The following NEDD9 variants were observed in gnomAD, a reference collection of about 807,000 sequenced individuals.
The protein encoded by NEDD9 is neural precursor cell expressed, developmentally down-regulated 9, also known as enhancer of filamentation 1.
NEDD9 carries 26 observed loss-of-function variants against 76.6 expected under a neutral mutation model. That is an observed-to-expected ratio of 0.34 (90% CI 0.25 to 0.47). The LOEUF is 0.47. NEDD9 is among the 20% of genes least tolerant of loss of function. The pLI is 1.00. For synonymous variants in NEDD9, 392 were observed against 414.2 expected (o/e 0.95, Z 0.65); for missense variants, 937 against 1,058.5 (o/e 0.89, Z 1.59).
intron 1 of NEDD9, among the ~76,000 whole-genome samples, chr6:11,355,910 AC>A (rs1273892226): frequency 5.3e-5 from 8 of 151,586 alleles, no homozygotes; most frequent in South Asian, 4.2e-4. Flanking sequence ...TTTAGTAGAG[AC>A]GGGGTTTCAC....
chr6:11,204,563 T>C (rs1389499546), intron 2 of NEDD9, among the ~76,000 whole-genome samples: 12 of 151,060 alleles, frequency 7.9e-5, no homozygotes, highest in African/African-American at 2.9e-4. Flanking sequence ...CTACTAAAAA[T>C]ACAAAAATTA....
chr6:11,208,560 T>C (rs1758678304), intron 2 of NEDD9, among the ~76,000 whole-genome samples: 1 of 152,240 alleles, frequency 6.6e-6, no homozygotes, highest in Admixed American at 6.5e-5. Context: ...CTTCCACCTG[T>C]TCATTGGTTC....
chr6:11,232,467 C>T (rs1045157279), intron 1 of NEDD9, 37 bp downstream of exon 1: 17 of 1,613,826 alleles, frequency 1.1e-5, no homozygotes, highest in South Asian at 2.2e-5. Flanking sequence ...GCACAGCTTT[C>T]AGCTTGCAAG....
At chr6:11,288,206 G>A (rs535221281) in intron 3 of NEDD9, among the ~76,000 whole-genome samples, 398 of 152,336 alleles carry the variant, frequency 2.6e-3, no homozygotes, top group Non-Finnish European at 5.0e-3. Flanking sequence ...GTGTGGCCTG[G>A]GGTGTTGCTG....
rs184377260 is a variant in NEDD9, at chr6:11,333,984, G to A, written c.-153+517C>T. On this transcript the variant is annotated intron_variant, in intron 2 of 3. Transcript: ENST00000397378. ...GAAGGGCTTTAGCCCAAAAGTTGGG[G>A]TTGCTCAGTTTTTTTCCTTTCCCTC... Among the ~76,000 whole-genome samples the A allele has an allele frequency of 3.8e-3, 586 of 152,308 alleles. 2 individuals are homozygous for A. The highest frequency in any genetic ancestry group is 0.013 in the African/African-American group (556 of 41,562).
chr6:11,224,420 C>G (rs1759243547), intron 1 of NEDD9, among the ~76,000 whole-genome samples: 1 of 152,158 alleles, frequency 6.6e-6, no homozygotes, highest in Admixed American at 6.5e-5. Context: ...TCATGCTGGG[C>G]TCTGAGTGGA....
rs1036100214 is a variant in NEDD9, at chr6:11,370,433, C to T, written c.-214+11706G>A. The stretch of plus-strand genomic sequence containing the variant: ...TGCCTTTGCCTACAGCACGCACACA[C>T]GGCTGGAGGACGGCTCCCACCCCTG... On this transcript the variant is annotated intron_variant, in intron 1 of 3. Transcript: ENST00000397378. The surrounding 1 kb of genome is among the most constrained non-coding windows in gnomAD (Gnocchi z 4.2). Among the ~76,000 whole-genome samples, 3 of 152,164 alleles carry T rather than the reference C, an allele frequency of 2.0e-5. No individual in the cohort carries two copies. Among genetic ancestry groups the T allele is most frequent in the Non-Finnish European group, 2.9e-5 (2 of 68,034 alleles).
chr6:11,232,559 C>T lies in NEDD9; in HGVS notation c.-44G>A, dbSNP rs560134723. ...AGCCGTTTTCCTACACTAGTTAAGA[C>T]AGCATTAAGCACTGCGGTGCCCGCC... On this transcript the variant is annotated 5_prime_UTR_variant, in exon 1 of 7. Transcript: ENST00000379446. The T allele has an allele frequency of 7.1e-5, 114 of 1,614,014 alleles. 2 individuals carry two copies. The South Asian group carries it at 9.1e-4, about 13-fold the overall frequency.
At chr6:11,355,389 C>A (rs1582046022) in intron 1 of NEDD9, among the ~76,000 whole-genome samples, 1 of 152,252 alleles carries the variant, frequency 6.6e-6, no homozygotes, top group East Asian at 1.9e-4. Context: ...TTGAATTCTT[C>A]TTGCAGTAAT....
chr6:11,283,768 G>C (rs1441721150), intron 3 of NEDD9, among the ~76,000 whole-genome samples: 1 of 152,068 alleles, frequency 6.6e-6, no homozygotes, highest in Non-Finnish European at 1.5e-5. Flanking sequence ...ATTTTTATAG[G>C]GAACAAAGTC....
chr6:11,269,897 C>G (rs905917767), intron 3 of NEDD9, among the ~76,000 whole-genome samples: 2 of 152,178 alleles, frequency 1.3e-5, no homozygotes, highest in African/African-American at 2.4e-5. Context: ...AAGGCCAAGG[C>G]GGGTGGATCA....
chr6:11,299,347 C>T (rs1369018126), intron 3 of NEDD9, among the ~76,000 whole-genome samples: 1 of 152,166 alleles, frequency 6.6e-6, no homozygotes, highest in African/African-American at 2.4e-5. Context: ...ACAAAGAGGC[C>T]AGGAAGTACA....
chr6:11,363,663 A>G (rs566746403), intron 1 of NEDD9, among the ~76,000 whole-genome samples: 3 of 152,346 alleles, frequency 2.0e-5, no homozygotes, highest in East Asian at 3.9e-4. Flanking sequence ...GGACCCACCA[A>G]CAACATCCCC....
chr6:11,219,389 A>C (rs971002358), intron 1 of NEDD9, among the ~76,000 whole-genome samples: 1 of 152,208 alleles, frequency 6.6e-6, no homozygotes, highest in Non-Finnish European at 1.5e-5. Context: ...AGCATCATCA[A>C]TGGCCCGGCT....
rs988324199 is a variant in NEDD9 at position 11,189,899 on chromosome 6, G to A, written c.1905+65C>T. On this transcript the variant is annotated intron_variant, in intron 5 of 6. Transcript: ENST00000379446. ...GGCAGTCCAACCCGACATCCTTATA[G>A]GCATCTTTCTCAGGCTCCCTGCATG... 2.7e-6 allele frequency: 4 copies of A among 1,485,542 alleles called. No individual in the cohort carries two copies. In the African/African-American group the frequency reaches 5.6e-5, roughly 21 times the overall value. The allele number at this position is 1,485,542 out of a possible 1,614,324, so 92.0% of individuals were successfully genotyped here.
chr6:11,214,788 C>T (rs1337915904), intron 1 of NEDD9, among the ~76,000 whole-genome samples: 4 of 152,144 alleles, frequency 2.6e-5, no homozygotes, highest in African/African-American at 9.7e-5. Flanking sequence ...CACAAGCCCT[C>T]GGAACACTAA....
intron 2 of NEDD9, among the ~76,000 whole-genome samples, chr6:11,320,117 T>A (rs1761755013): frequency 6.6e-6 from 1 of 152,192 alleles, no homozygotes; most frequent in Non-Finnish European, 1.5e-5. Context: ...CCATGAGATG[T>A]GTCCTTCTTC....
At chr6:11,304,283 C>G (rs1253626539) in intron 3 of NEDD9, among the ~76,000 whole-genome samples, 1 of 152,128 alleles carries the variant, frequency 6.6e-6, no homozygotes, top group Admixed American at 6.5e-5. Context: ...TTAGAATGGC[C>G]ATCATTAAAA....
At chr6:11,323,754 C>T (rs1761863414) in intron 2 of NEDD9, among the ~76,000 whole-genome samples, 1 of 152,214 alleles carries the variant, frequency 6.6e-6, no homozygotes, top group African/African-American at 2.4e-5. Context: ...GGACAGCCTT[C>T]CGCTGTGGTG....
Sources: allele counts gnomAD v4.1 joint callset (sites outside exome capture counted in the v4.1 genomes callset), GRCh38; gene constraint gnomAD v4.1.1; non-coding constraint Gnocchi (gnomAD v3.1); transcripts MANE v1.5; gene names NCBI Gene and HGNC (gene_info 2026-07-23, HGNC 2026-07-21).